The following TUSC3 variants were observed in gnomAD, a reference collection of about 807,000 sequenced individuals.
The protein encoded by TUSC3 is dolichyl-diphosphooligosaccharide--protein glycosyltransferase subunit TUSC3.
TUSC3 carries 45 observed loss-of-function variants against 44.8 expected under a neutral mutation model. The observed-to-expected ratio is 1.00, with a 90% confidence interval of 0.79 to 1.29. The LOEUF (loss-of-function observed/expected upper bound fraction) is 1.29. Ranked by LOEUF, TUSC3 falls within the 50% of genes most tolerant of loss-of-function variation. The pLI, the probability that TUSC3 is intolerant of heterozygous loss-of-function variation, is 0.00. For synonymous variants in TUSC3, 212 were observed against 152.9 expected, an observed-to-expected ratio of 1.39 and a Z score of -2.85; for missense variants, 519 against 437.9, an observed-to-expected ratio of 1.19 and a Z score of -1.65.
At chr8:15,486,333 G>T (rs1481211756) in intron 2 of TUSC3, among the ~76,000 whole-genome samples, 1 of 152,134 alleles carries the variant, frequency 6.6e-6, no homozygotes, top group Non-Finnish European at 1.5e-5. Flanking sequence ...TTAAAATGTG[G>T]TAACTGAAAT....
chr8:15,521,130 C>T (rs972534123), intron 2 of TUSC3, among the ~76,000 whole-genome samples: 4 of 152,122 alleles, frequency 2.6e-5, no homozygotes, highest in Non-Finnish European at 5.9e-5. Flanking sequence ...ATCCATGCCA[C>T]CTCTCACTTC....
intron 2 of TUSC3, among the ~76,000 whole-genome samples, chr8:15,529,735 TA>T (rs1801425790): frequency 6.6e-6 from 1 of 151,172 alleles, no homozygotes; most frequent in African/African-American, 2.4e-5. Context: ...TTTCCTCTTA[TA>T]ATGTCTTCTG....
the TUSC3 span, among the ~76,000 whole-genome samples, chr8:15,848,641 C>A: frequency 6.6e-6 from 1 of 152,164 alleles, no homozygotes; most frequent in Non-Finnish European, 1.5e-5. Context: ...GTCTTATGGA[C>A]TCAGACAAAG....
intron 1 of TUSC3, among the ~76,000 whole-genome samples, chr8:15,562,416 G>C (rs919020322): frequency 3.3e-5 from 5 of 152,140 alleles, no homozygotes; most frequent in Non-Finnish European, 7.3e-5. Flanking sequence ...AGGATGTAAA[G>C]TGTAAGGGTG....
chr8:15,712,772 C>A (rs1451274461), intron 6 of TUSC3, among the ~76,000 whole-genome samples: 2 of 152,104 alleles, frequency 1.3e-5, no homozygotes. Flanking sequence ...CACCTGCACA[C>A]CTTTATTCTA....
chr8:15,497,260 C>T (rs528091898), intron 2 of TUSC3, among the ~76,000 whole-genome samples: 1 of 151,942 alleles, frequency 6.6e-6, no homozygotes, highest in African/African-American at 2.4e-5. Context: ...CTTCCAAGTC[C>T]CAATTCCCAC....
intron 5 of TUSC3, among the ~76,000 whole-genome samples, chr8:15,672,735 T>G (rs1390058589): frequency 6.6e-6 from 1 of 152,058 alleles, no homozygotes; most frequent in Non-Finnish European, 1.5e-5. Context: ...ATTTCTGGGT[T>G]TAGATATCGT....
At chr8:15,646,369 T>C (rs1167943195) in intron 2 of TUSC3, among the ~76,000 whole-genome samples, 1 of 152,108 alleles carries the variant, frequency 6.6e-6, no homozygotes, top group Non-Finnish European at 1.5e-5. Context: ...CCCATTATCT[T>C]CATTATGTAC....
intron 2 of TUSC3, among the ~76,000 whole-genome samples, chr8:15,515,918 C>G (rs1412516156): frequency 6.6e-6 from 1 of 152,066 alleles, no homozygotes; most frequent in East Asian, 1.9e-4. Context: ...ATCCACCTTC[C>G]TTGGCCTCCT....
chr8:15,479,472 G>A (rs1408406077), intron 1 of TUSC3, among the ~76,000 whole-genome samples: 2 of 152,164 alleles, frequency 1.3e-5, no homozygotes, highest in Non-Finnish European at 2.9e-5. Flanking sequence ...AAGATGAAAG[G>A]AAGGGTTTGA....
At chr8:15,439,412 C>G (rs747486293) in intron 1 of TUSC3, among the ~76,000 whole-genome samples, 1 of 152,076 alleles carries the variant, frequency 6.6e-6, no homozygotes, top group Non-Finnish European at 1.5e-5. Flanking sequence ...CAAACAATAG[C>G]TGAGTGTTGT....
chr8:15,722,550 C>A (rs190527704), intron 6 of TUSC3, among the ~76,000 whole-genome samples: 1 of 152,016 alleles, frequency 6.6e-6, no homozygotes, highest in African/African-American at 2.4e-5. Flanking sequence ...TAGAGACTCT[C>A]TGAGAATACT....
chr8:15,660,918 A>T (rs1038509123), intron 4 of TUSC3, among the ~76,000 whole-genome samples: 2 of 151,386 alleles, frequency 1.3e-5, no homozygotes, highest in African/African-American at 4.8e-5. Context: ...AAAAAAAAAA[A>T]AAACCCATAA....
chr8:15,783,460 A>C, the TUSC3 span, among the ~76,000 whole-genome samples: 1 of 152,156 alleles, frequency 6.6e-6, no homozygotes, highest in African/African-American at 2.4e-5. Context: ...ATCACACTAC[A>C]TCATTTCAAA....
At chr8:15,719,584 A>G (rs1810217410) in intron 6 of TUSC3, among the ~76,000 whole-genome samples, 1 of 151,348 alleles carries the variant, frequency 6.6e-6, no homozygotes, top group Non-Finnish European at 1.5e-5. Context: ...TTTGTTCACT[A>G]TTTTATCTCA....
chr8:15,636,774 A>G (rs1386312582), intron 2 of TUSC3, among the ~76,000 whole-genome samples: 1 of 152,166 alleles, frequency 6.6e-6, no homozygotes, highest in Non-Finnish European at 1.5e-5. Context: ...AGATTAACTT[A>G]TTTCAGTGCC....
intron 6 of TUSC3, among the ~76,000 whole-genome samples, chr8:15,721,260 C>G (rs1229584642): frequency 6.6e-6 from 1 of 151,962 alleles, no homozygotes; most frequent in Non-Finnish European, 1.5e-5. Context: ...AGAACCTGTT[C>G]CTAATTCATT....
chr8:15,619,704 G>C (rs1312140295), intron 1 of TUSC3, among the ~76,000 whole-genome samples: 1 of 151,986 alleles, frequency 6.6e-6, no homozygotes, highest in African/African-American at 2.4e-5. Context: ...TAGAGATGGG[G>C]TTCCACTGTG....
chr8:15,503,229 G>A (rs936688966), intron 2 of TUSC3, among the ~76,000 whole-genome samples: 2 of 152,072 alleles, frequency 1.3e-5, no homozygotes, highest in East Asian at 3.9e-4. Context: ...AGGAAAGACA[G>A]TGGGAAGACA....
Sources: allele counts gnomAD v4.1 joint callset (sites outside exome capture counted in the v4.1 genomes callset), GRCh38; gene constraint gnomAD v4.1.1; transcripts MANE v1.5; gene names NCBI Gene and HGNC (gene_info 2026-07-23, HGNC 2026-07-21).